The following PHACTR1 variants were observed in gnomAD, a reference collection of about 807,000 sequenced individuals.
PHACTR1 encodes phosphatase and actin regulator 1.
Under a neutral mutation model 69.2 loss-of-function variants are expected in PHACTR1, and 16 were observed. That is an observed-to-expected ratio of 0.23 (90% CI 0.16 to 0.35). The LOEUF (loss-of-function observed/expected upper bound fraction) is 0.35. PHACTR1 is among the 10% of genes least tolerant of loss of function. The probability of loss-of-function intolerance (pLI) is 1.00; values close to 1 mark genes in which losing one functional copy is unlikely to be tolerated. For synonymous variants in PHACTR1, 312 were observed against 284.5 expected (o/e 1.10, Z -0.97); for missense variants, 510 against 734.7 (o/e 0.69, Z 3.54).
chr6:13,051,922 C>G (rs1220311852), intron 4 of PHACTR1, among the ~76,000 whole-genome samples: 1 of 152,150 alleles, frequency 6.6e-6, no homozygotes, highest in Non-Finnish European at 1.5e-5. Flanking sequence ...TCCCAGTGCA[C>G]TGAACCAGGT....
chr6:12,878,007 ATG>A (rs1160869530), intron 4 of PHACTR1, among the ~76,000 whole-genome samples: 1 of 152,186 alleles, frequency 6.6e-6, no homozygotes, highest in Non-Finnish European at 1.5e-5. Context: ...AGGCTCCAAT[ATG>A]TGTTTCCCAG....
chr6:13,247,534 C>T (rs1171770683), intron 10 of PHACTR1, among the ~76,000 whole-genome samples: 3 of 152,032 alleles, frequency 2.0e-5, no homozygotes, highest in Non-Finnish European at 4.4e-5. Flanking sequence ...TTAGTAGACA[C>T]GGGGTTTTAC....
intron 5 of PHACTR1, among the ~76,000 whole-genome samples, chr6:13,088,080 A>G (rs1282471545): frequency 6.6e-6 from 1 of 152,128 alleles, no homozygotes; most frequent in African/African-American, 2.4e-5. Context: ...TATTTAACAT[A>G]GTTCTTGAGG....
At chr6:13,079,967 A>G (rs541679143) in intron 5 of PHACTR1, among the ~76,000 whole-genome samples, 64 of 152,250 alleles carry the variant, frequency 4.2e-4, no homozygotes, top group African/African-American at 1.5e-3. Context: ...ATTCTCTTCT[A>G]CAAATACAGA....
intron 10 of PHACTR1, among the ~76,000 whole-genome samples, chr6:13,231,521 T>G (rs1396866382): frequency 6.6e-6 from 1 of 152,038 alleles, no homozygotes; most frequent in Non-Finnish European, 1.5e-5. Flanking sequence ...GTAATAGAAT[T>G]GAGGACCTAT....
At chr6:13,195,193 G>A (rs1048956364) in intron 7 of PHACTR1, among the ~76,000 whole-genome samples, 1 of 152,130 alleles carries the variant, frequency 6.6e-6, no homozygotes, top group African/African-American at 2.4e-5. Flanking sequence ...TGATTTAGTA[G>A]ATTAGTGATG....
At chr6:12,825,807 C>G (rs1275187377) in intron 4 of PHACTR1, among the ~76,000 whole-genome samples, 1 of 152,128 alleles carries the variant, frequency 6.6e-6, no homozygotes, top group African/African-American at 2.4e-5. Flanking sequence ...ACTGCCTTTC[C>G]TCTCTTCACT....
rs114314299 is a variant in PHACTR1 at position 13,268,426 on chromosome 6, T to C, written c.1392-4434T>C. On this transcript the variant is annotated intron_variant, in intron 10 of 14. Coordinates refer to ENST00000332995, the MANE Select transcript of PHACTR1 (RefSeq NM_030948.6). Reference sequence around the variant, plus strand: ...CTTCCACAAGATGTCCACATCCTCATCCCCAGATCTATGAATATGTAACGT... The same window carrying C: ...CTTCCACAAGATGTCCACATCCTCACCCCCAGATCTATGAATATGTAACGT... Among the ~76,000 whole-genome samples the C allele has an allele frequency of 4.4e-3, 663 of 152,228 alleles. 6 individuals carry two copies. The highest frequency in any genetic ancestry group is 0.015 in the African/African-American group (639 of 41,520).
chr6:12,726,304 T>G (rs1294586264), intron 3 of PHACTR1, among the ~76,000 whole-genome samples: 1 of 152,158 alleles, frequency 6.6e-6, no homozygotes, highest in African/African-American at 2.4e-5. Flanking sequence ...AAAAGCAGAA[T>G]TATGGAATAG....
intron 4 of PHACTR1, among the ~76,000 whole-genome samples, chr6:12,816,264 T>G (rs1244619815): frequency 2.0e-5 from 3 of 152,232 alleles, no homozygotes; most frequent in African/African-American, 7.2e-5. Context: ...CTTACCCTCT[T>G]GTGGGAAGCC....
intron 4 of PHACTR1, among the ~76,000 whole-genome samples, chr6:12,783,217 C>G (rs531663093): frequency 6.6e-6 from 1 of 152,122 alleles, no homozygotes; most frequent in Non-Finnish European, 1.5e-5. Context: ...GCATCCATTG[C>G]CCAGGTAGGT....
intron 4 of PHACTR1, among the ~76,000 whole-genome samples, chr6:12,994,482 G>A (rs1191160547): frequency 6.6e-6 from 1 of 152,018 alleles, no homozygotes; most frequent in Non-Finnish European, 1.5e-5. Context: ...GTTCAAAGAA[G>A]ACTCAGGAAA....
At chr6:12,816,401 C>T (rs563936455) in intron 4 of PHACTR1, among the ~76,000 whole-genome samples, 1 of 152,294 alleles carries the variant, frequency 6.6e-6, no homozygotes, top group African/African-American at 2.4e-5. Context: ...TAATTAAACT[C>T]TGTGGGTGTG....
intron 4 of PHACTR1, among the ~76,000 whole-genome samples, chr6:13,020,428 G>T (rs1397166987): frequency 1.3e-5 from 2 of 152,226 alleles, no homozygotes; most frequent in Non-Finnish European, 1.5e-5. Flanking sequence ...TGCTCTGAGA[G>T]AAACAGTCCA....
At chr6:12,869,596 T>G (rs570361236) in intron 4 of PHACTR1, among the ~76,000 whole-genome samples, 12 of 152,308 alleles carry the variant, frequency 7.9e-5, no homozygotes, top group African/African-American at 2.9e-4. Context: ...TAAACTGGGC[T>G]CTTCACTGCA....
intron 4 of PHACTR1, among the ~76,000 whole-genome samples, chr6:12,982,837 T>G (rs1347511226): frequency 1.3e-5 from 2 of 152,166 alleles, no homozygotes; most frequent in African/African-American, 4.8e-5. Context: ...AGTTCCTGAC[T>G]CTCAAAAAAA....
chr6:12,743,873 G>A (rs548290439), intron 3 of PHACTR1, among the ~76,000 whole-genome samples: 16 of 152,092 alleles, frequency 1.1e-4, no homozygotes, highest in East Asian at 1.9e-4. Context: ...GCACCACATC[G>A]CACTTATTCC....
At chr6:13,240,412 G>A (rs967104345) in intron 10 of PHACTR1, among the ~76,000 whole-genome samples, 1 of 151,676 alleles carries the variant, frequency 6.6e-6, no homozygotes, top group Non-Finnish European at 1.5e-5. Context: ...TAGGATATTC[G>A]TTGTGGGTTT....
At chr6:12,823,007 T>C (rs745645888) in intron 4 of PHACTR1, among the ~76,000 whole-genome samples, 1 of 152,206 alleles carries the variant, frequency 6.6e-6, no homozygotes, top group South Asian at 2.1e-4. Context: ...GCCTCATTAA[T>C]AGATTTACTG....
Sources: allele counts gnomAD v4.1 joint callset (sites outside exome capture counted in the v4.1 genomes callset), GRCh38; gene constraint gnomAD v4.1.1; transcripts MANE v1.5; gene names NCBI Gene and HGNC (gene_info 2026-07-23, HGNC 2026-07-21).